The following DDX19B variants were observed in gnomAD, a reference collection of about 807,000 sequenced individuals.
DDX19B encodes ATP-dependent RNA helicase DDX19B.
Under a neutral mutation model 58.1 loss-of-function variants are expected in DDX19B, and 27 were observed. The ratio of observed to expected loss-of-function variants is 0.46; its 90% CI spans 0.34 to 0.64. The LOEUF (loss-of-function observed/expected upper bound fraction) is 0.64. DDX19B is among the 30% of genes least tolerant of loss of function. The pLI, the probability that DDX19B is intolerant of heterozygous loss-of-function variation, is 0.01. For missense variants in DDX19B, 399 were observed against 596.5 expected (o/e 0.67, Z 3.45); for synonymous variants, 187 against 214.4 (o/e 0.87, Z 1.12).
At chr16:70,327,819 C>A (rs932476424) in intron 7 of DDX19B, among the ~76,000 whole-genome samples, 1 of 152,048 alleles carries the variant, frequency 6.6e-6, no homozygotes. Context: ...TTTTTCTACA[C>A]TAGTTTGTTT....
intron 1 of DDX19B, among the ~76,000 whole-genome samples, chr16:70,300,714 A>T (rs1158577601): frequency 6.6e-6 from 1 of 151,402 alleles, no homozygotes; most frequent in Non-Finnish European, 1.5e-5. Flanking sequence ...ATTTTTTGTG[A>T]AGACGAGGTC....
At chr16:70,315,387 A>C (rs1370433028) in intron 3 of DDX19B, among the ~76,000 whole-genome samples, 5 of 132,654 alleles carry the variant, frequency 3.8e-5, no homozygotes, top group African/African-American at 1.5e-4. Flanking sequence ...ACTCTGTCTC[A>C]AAAAAAAAAA....
chr16:70,322,300 C>T lies in DDX19B; in HGVS notation c.390-2285C>T, dbSNP rs147775212. 2.3e-4 allele frequency among the ~76,000 whole-genome samples: 35 copies of T among 152,028 alleles called. No homozygotes were observed. The East Asian group carries it at 6.6e-3, about 29-fold the overall frequency. Reference sequence around the variant, plus strand: ...AAACAGAAATAGAATCAAGAGTTACCGGTGTGGCGGCTGGGCGCAGTGGCT... The same window carrying T: ...AAACAGAAATAGAATCAAGAGTTACTGGTGTGGCGGCTGGGCGCAGTGGCT... On this transcript the variant is annotated intron_variant, in intron 5 of 11. Coordinates refer to ENST00000288071, the MANE Select transcript of DDX19B (RefSeq NM_007242.7).
chr16:70,294,822 G>C (rs1341934123), upstream of DDX19B: 2 of 1,475,036 alleles, frequency 1.4e-6, no homozygotes, highest in Non-Finnish European at 1.8e-6. Flanking sequence ...GGTTGTTGGA[G>C]TGTAACTGCC....
chr16:70,292,838 G>A (rs750196826), upstream of DDX19B, among the ~76,000 whole-genome samples: 2 of 151,656 alleles, frequency 1.3e-5, no homozygotes, highest in Non-Finnish European at 2.9e-5. Context: ...AGGCACAGTG[G>A]CTCATGCCTG....
chr16:70,318,009 G>T (rs1480609710), intron 5 of DDX19B: 1 of 151,812 alleles, frequency 6.6e-6, no homozygotes, highest in Admixed American at 6.6e-5. Flanking sequence ...AGGTTGCAGT[G>T]AGCCGAGATC....
intron 5 of DDX19B, among the ~76,000 whole-genome samples, chr16:70,323,713 C>T (rs1289989787): frequency 2.0e-5 from 3 of 151,822 alleles, no homozygotes; most frequent in Non-Finnish European, 4.4e-5. Flanking sequence ...CATGAGCCAC[C>T]GCGCCTGGCC....
upstream of DDX19B, among the ~76,000 whole-genome samples, chr16:70,296,555 G>A (rs1189976248): frequency 1.3e-5 from 2 of 152,000 alleles, no homozygotes; most frequent in Admixed American, 6.6e-5. Context: ...CAACTTGGGC[G>A]ATGTAATTTT....
Position 70,299,195 on chromosome 16 carries a change from T to C in DDX19B, c.-103T>C. The C allele has an allele frequency of 7.1e-7, 1 of 1,406,246 alleles. No homozygotes were observed. 87.1% of individuals were successfully genotyped at this position (1,406,246 alleles called of 1,614,324 possible). On this transcript the variant is annotated 5_prime_UTR_variant, in exon 1 of 12. Coordinates refer to ENST00000288071, the MANE Select transcript of DDX19B (RefSeq NM_007242.7). The stretch of plus-strand genomic sequence containing the variant: ...GCGCCGCTTCCGGTCTGCAGCCTTG[T>C]AGTGGGGCTGGAGCAGAGCCTGCCG...
At chr16:70,308,159 G>T (rs1200876714) in intron 1 of DDX19B, among the ~76,000 whole-genome samples, 1 of 151,520 alleles carries the variant, frequency 6.6e-6, no homozygotes, top group East Asian at 2.0e-4. Context: ...CACCATGTTG[G>T]CCAGTCTGGT....
rs59136090 is a variant in DDX19B at position 70,300,252 on chromosome 16, C to T, written c.57+898C>T. Among the ~76,000 whole-genome samples, 200 of 152,106 alleles carry T rather than the reference C, an allele frequency of 1.3e-3. 2 individuals are homozygous for T. Among genetic ancestry groups the T allele is most frequent in the African/African-American group, 4.5e-3 (185 of 41,500 alleles). ...ACAGGGTCACACTCTGTTGCCCAGG[C>T]TAGGGTGCAGTGGAGTGATCTTGGC... On this transcript the variant is annotated intron_variant, in intron 1 of 11. Coordinates refer to ENST00000288071, the MANE Select transcript of DDX19B (RefSeq NM_007242.7).
chr16:70,324,559 T>C, intron 5 of DDX19B, 26 bp from the exon 6 acceptor site: 2 of 1,598,650 alleles, frequency 1.3e-6, no homozygotes, highest in Non-Finnish European at 8.5e-7. Flanking sequence ...AGATTTAAGC[T>C]CCTAACTAGT....
chr16:70,300,811 T>G (rs1164321588), intron 1 of DDX19B, among the ~76,000 whole-genome samples: 2 of 152,250 alleles, frequency 1.3e-5, no homozygotes, highest in African/African-American at 4.8e-5. Context: ...ATTATAGGCC[T>G]GAGCCACTTT....
chr16:70,291,466 T>A (rs1214919974), upstream of DDX19B, among the ~76,000 whole-genome samples: 1 of 152,148 alleles, frequency 6.6e-6, no homozygotes, highest in Non-Finnish European at 1.5e-5. Flanking sequence ...GCTGCCAGAG[T>A]TGTTACTAGG....
chr16:70,313,521 G>A (rs1448459674), intron 2 of DDX19B, among the ~76,000 whole-genome samples: 2 of 152,106 alleles, frequency 1.3e-5, no homozygotes, highest in African/African-American at 4.8e-5. Context: ...CAAAGAATGA[G>A]GCTACTTAAG....
upstream of DDX19B, among the ~76,000 whole-genome samples, chr16:70,291,043 C>G (rs557500527): frequency 7.9e-5 from 12 of 152,318 alleles, no homozygotes; most frequent in Middle Eastern, 0.01. Context: ...AAAAGAAGGT[C>G]AAGCCCAAAA....
chr16:70,295,667 G>A (rs1389113196), upstream of DDX19B, among the ~76,000 whole-genome samples: 2 of 152,042 alleles, frequency 1.3e-5, no homozygotes, highest in Admixed American at 1.3e-4. Flanking sequence ...CTAAGTATTT[G>A]TTATACCCTT....
At chr16:70,315,917 C>T (rs1186159515) in intron 3 of DDX19B, 52 bp from the exon 4 acceptor site, 1 of 1,590,996 alleles carries the variant, frequency 6.3e-7, no homozygotes, top group African/African-American at 1.3e-5. Flanking sequence ...GAGTAAACGC[C>T]TGGTAGGTTT....
upstream of DDX19B, among the ~76,000 whole-genome samples, chr16:70,295,892 C>T (rs1339585683): frequency 6.6e-6 from 1 of 151,318 alleles, no homozygotes; most frequent in African/African-American, 2.4e-5. Flanking sequence ...TTAAAAAAAA[C>T]CATGCATATG....
Sources: gnomAD v4.1 joint callset for allele counts (sites outside exome capture counted in the v4.1 genomes callset) on GRCh38, gnomAD v4.1.1 for gene constraint, MANE v1.5 for transcripts, NCBI Gene and HGNC (gene_info 2026-07-23, HGNC 2026-07-21) for gene names.